The following ENO4 variants were observed in gnomAD, a reference collection of about 807,000 sequenced individuals.
The protein encoded by ENO4 is enolase 4.
In ENO4, 53 loss-of-function variants were observed where a neutral mutation model predicts 63.2. The observed-to-expected ratio is 0.84, with a 90% CI of 0.67 to 1.05. ENO4 has a LOEUF of 1.05. Ranked by LOEUF, ENO4 falls within the 50% of genes least tolerant of loss-of-function variation. The pLI, the probability that ENO4 is intolerant of heterozygous loss-of-function variation, is 0.00. For missense variants in ENO4, 719 were observed against 772.0 expected (o/e 0.93, Z 0.81); for synonymous variants, 266 against 283.8 (o/e 0.94, Z 0.63).
In ENO4 at chr10:116,871,069, C is replaced by T. The variant is rs566890704; in HGVS notation, c.1048-56C>T. On this transcript the variant is annotated intron_variant, in intron 8 of 13. Transcript: ENST00000341276. ...CATAAACCATGCTTATCACAGGAAG[C>T]GCCAAGAACCTTAATGTGCTGTATT... is the stretch of plus-strand genomic sequence containing the variant. The T allele has an allele frequency of 5.7e-5, 83 of 1,465,756 alleles. 1 individual carries two copies. The East Asian group carries it at 5.7e-4, about 10-fold the overall frequency. The allele number at this position is 1,465,756 out of a possible 1,614,324, so 90.8% of individuals were successfully genotyped here.
At chr10:116,904,056 C>T (rs1847862819) in intron 10 of ENO4, among the ~76,000 whole-genome samples, 2 of 152,168 alleles carry the variant, frequency 1.3e-5, no homozygotes, top group Non-Finnish European at 2.9e-5. Flanking sequence ...GGGCAGATAA[C>T]CATTAACCTG....
In ENO4 at chr10:116,849,535, C is replaced by G. The variant is rs1295138091; in HGVS notation, c.-32C>G. On this transcript the variant is annotated 5_prime_UTR_variant, in exon 1 of 14. Coordinates refer to ENST00000341276, the MANE Select transcript of ENO4 (RefSeq NM_001242699.2). ...GCAGGGACGCTCGTGGGACCCCAGG[C>G]TAAACCCCGCTGTAGCCTTAAATCT... is the stretch of plus-strand genomic sequence containing the variant. 2 of 1,488,796 alleles carry G rather than the reference C, an allele frequency of 1.3e-6. No homozygotes were observed. The highest frequency in any genetic ancestry group is 2.8e-5 in the African/African-American group (2 of 71,184). 92.2% of individuals were successfully genotyped at this position (1,488,796 alleles called of 1,614,324 possible).
At chr10:116,906,324 T>C (rs1847970757) in intron 10 of ENO4, among the ~76,000 whole-genome samples, 1 of 152,230 alleles carries the variant, frequency 6.6e-6, no homozygotes, top group Non-Finnish European at 1.5e-5. Flanking sequence ...AGCCTGTACT[T>C]GATGCTATAT....
At position 116,853,263 on chromosome 10, in the gene ENO4, C is replaced by G. The variant is rs191067638; in HGVS notation, c.166-2360C>G. 2.8e-3 allele frequency among the ~76,000 whole-genome samples: 403 copies of G among 144,940 alleles called. 6 individuals are homozygous for G. Among genetic ancestry groups the G allele is most frequent in the East Asian group, 5.0e-3 (25 of 4,952 alleles). The stretch of plus-strand genomic sequence containing the variant: ...CGAGCCAAGATTGTGCCACTGCACT[C>G]CAGCCTGGGTGACAGAGTGAGACTC... On this transcript the variant is annotated intron_variant, in intron 1 of 13. Transcript: ENST00000341276.
intron 10 of ENO4, among the ~76,000 whole-genome samples, chr10:116,896,489 A>G (rs1453979349): frequency 1.3e-5 from 2 of 152,204 alleles, no homozygotes; most frequent in African/African-American, 4.8e-5. Context: ...GGTAAATGTG[A>G]TTGGCAGGCA....
At chr10:116,894,839 T>G (rs1847458697) in intron 10 of ENO4, among the ~76,000 whole-genome samples, 1 of 152,212 alleles carries the variant, frequency 6.6e-6, no homozygotes, top group South Asian at 2.1e-4. Context: ...ATAAGATGGT[T>G]TCAGGGGAGA....
chr10:116,872,969 A>G (rs1293453746), intron 9 of ENO4, among the ~76,000 whole-genome samples: 1 of 152,266 alleles, frequency 6.6e-6, no homozygotes, highest in South Asian at 2.1e-4. Flanking sequence ...GTTCCTAGGC[A>G]TACCATTAAA....
intron 10 of ENO4, among the ~76,000 whole-genome samples, chr10:116,898,604 A>G (rs907300486): frequency 3.9e-5 from 6 of 152,200 alleles, no homozygotes; most frequent in Non-Finnish European, 7.3e-5. Context: ...GATTTAAGAT[A>G]CTAGGATTAG....
intron 7 of ENO4, 23 bp downstream of exon 7, chr10:116,862,875 A>T: frequency 1.4e-6 from 2 of 1,475,412 alleles, no homozygotes; most frequent in South Asian, 1.2e-5. Context: ...ATTCTATGTT[A>T]TCTAGTTACT....
chr10:116,870,337 T>C (rs1279214321), intron 8 of ENO4, among the ~76,000 whole-genome samples: 1 of 152,184 alleles, frequency 6.6e-6, no homozygotes, highest in African/African-American at 2.4e-5. Flanking sequence ...TCCACTAAAA[T>C]CCATCTTCAG....
chr10:116,867,518 G>A (rs895050204), intron 7 of ENO4, among the ~76,000 whole-genome samples: 8 of 152,148 alleles, frequency 5.3e-5, no homozygotes, highest in South Asian at 4.2e-4. Context: ...GAGCTCAGGC[G>A]TTCGAGGCTG....
Position 116,879,943 on chromosome 10 carries a change from C to T in ENO4, c.1680C>T (p.Arg560=), listed in dbSNP as rs1201161971. The change falls in exon 13 of 14, where the codon CGC becomes CGT. Residue 560 remains arginine (R), a synonymous_variant. Transcript: ENST00000341276. ...SRGERVTKYN[R]LLTIEEELVQ... is the part of the protein sequence containing the mutation. ...GTGAACGAGTGACTAAATACAACCGCCTTCTCACTATAGAGGAAGAACTTG... is the reference window on the plus strand; with the variant it reads ...GTGAACGAGTGACTAAATACAACCGTCTTCTCACTATAGAGGAAGAACTTG... The T allele has an allele frequency of 1.3e-6, 2 of 1,550,726 alleles. No individual in the cohort carries two copies. The highest frequency in any genetic ancestry group is 2.4e-5 in the East Asian group (1 of 40,912).
chr10:116,886,634 T>C, downstream of ENO4: 3 of 1,592,836 alleles, frequency 1.9e-6, no homozygotes, highest in Non-Finnish European at 1.7e-6. Flanking sequence ...TCTGATATTC[T>C]GGATTCAGAC....
rs558547712 is a variant in ENO4, at chr10:116,882,262, C to A, written c.*593C>A. The A allele has an allele frequency of 1.3e-5, 2 of 151,866 alleles. No homozygotes were observed. The highest frequency in any genetic ancestry group is 2.4e-5 in the African/African-American group (1 of 41,316). 9.4% of individuals were successfully genotyped at this position (151,866 alleles called of 1,614,324 possible). A position where few individuals can be genotyped will look rare whatever the true frequency, so the allele number is the denominator to read the frequency against. On this transcript the variant is annotated 3_prime_UTR_variant, in exon 14 of 14. Transcript: ENST00000341276. ...TTTTCTTGTATTATTTTTATCTTTG[C>A]GAGTCTTCTTAGATCCTTTTTGGAG...
rs1265850438 is a variant in ENO4 at position 116,849,657 on chromosome 10, G to A, written c.91G>A (p.Asp31Asn). Residue 31 changes from aspartate (D) to asparagine (N), a missense_variant, in exon 1 of 14, where the codon GAC becomes AAC. Coordinates refer to ENST00000341276, the MANE Select transcript of ENO4 (RefSeq NM_001242699.2). The stretch of plus-strand genomic sequence containing the variant: ...GGCGATGGAGTACTACCGGGAGAAC[G>A]ACGTTCCGCGCAGGCTGGAAGAGCT... ...QQAMEYYREN[D>N]VPRRLEELLN... 5 of 1,550,198 alleles carry A rather than the reference G, an allele frequency of 3.2e-6. No individual in the cohort carries two copies. The South Asian group carries it at 3.6e-5, about 11-fold the overall frequency.
Position 116,881,615 on chromosome 10 carries a change from C to G in ENO4, c.1824C>G (p.Thr608=). The G allele has an allele frequency of 6.4e-7, 1 of 1,550,460 alleles. No individual in the cohort carries two copies. Among genetic ancestry groups the G allele is most frequent in the South Asian group, 1.2e-5 (1 of 84,018 alleles). Residue 608 remains threonine (T), a synonymous_variant, in exon 14 of 14, where the codon ACC becomes ACG. Coordinates refer to ENST00000341276, the MANE Select transcript of ENO4 (RefSeq NM_001242699.2). The part of the protein sequence containing the change: ...AAAAREPLVP[T]FPTQGVEESA... ...CGGCTAGGGAGCCGCTGGTGCCCAC[C>G]TTCCCCACACAAGGTGTAGAGGAAT...
At chr10:116,868,978 T>G (rs1402561193) in intron 8 of ENO4, among the ~76,000 whole-genome samples, 1 of 152,192 alleles carries the variant, frequency 6.6e-6, no homozygotes, top group South Asian at 2.1e-4. Flanking sequence ...AGGGTTACAC[T>G]GGACCCTATA....
At chr10:116,868,433 G>C (rs1846601539) in intron 7 of ENO4, 1 of 678,958 alleles carries the variant, frequency 1.5e-6, no homozygotes, top group African/African-American at 1.8e-5. Context: ...TGAACTAAAG[G>C]AAACACATTC....
At chr10:116,894,308 T>A (rs12263941) in intron 10 of ENO4, among the ~76,000 whole-genome samples, 10,448 of 152,286 alleles carry the variant, frequency 0.069, 465 homozygotes, top group Non-Finnish European at 0.1. Flanking sequence ...GAAATGAACA[T>A]TTTCTATTGA....
Sources: allele counts gnomAD v4.1 joint callset (sites outside exome capture counted in the v4.1 genomes callset), GRCh38; gene constraint gnomAD v4.1.1; transcripts MANE v1.5; gene names NCBI Gene and HGNC (gene_info 2026-07-23, HGNC 2026-07-21).